The following BSN variants were observed in gnomAD, a reference collection of about 807,000 sequenced individuals.
BSN encodes bassoon presynaptic cytomatrix protein.
Under a neutral mutation model 264.8 loss-of-function variants are expected in BSN, and 57 were observed. The observed-to-expected ratio is 0.22, with a 90% CI of 0.17 to 0.27. The LOEUF (loss-of-function observed/expected upper bound fraction) is 0.27, where lower values mean the gene tolerates loss of function less well. BSN is among the 10% of genes least tolerant of loss of function. The pLI is 1.00. For missense variants in BSN, 4,615 were observed against 5,232.5 expected (o/e 0.88, Z 3.64); for synonymous variants, 2,059 against 2,137.3 (o/e 0.96, Z 1.01).
chr3:49,634,229 G>A (rs1479733507), intron 2 of BSN, among the ~76,000 whole-genome samples: 1 of 151,774 alleles, frequency 6.6e-6, no homozygotes, highest in African/African-American at 2.4e-5. Context: ...AAAAGAGCTG[G>A]AGGAAGGGGG....
At position 49,662,276 on chromosome 3, in the gene BSN, A is replaced by G. The variant is rs2052665731; in HGVS notation, c.10431A>G (p.Gln3477=). The change falls in exon 6 of 12, where the codon CAA becomes CAG. Residue 3477 remains glutamine, a synonymous_variant. Transcript: ENST00000296452. Reference sequence around the variant, plus strand: ...AACGGGAGGCTGTGGAGCGACTTCAAAAAGCGGGCCCCAAGCCCTCATCCC... The same window carrying G: ...AACGGGAGGCTGTGGAGCGACTTCAGAAAGCGGGCCCCAAGCCCTCATCCC... The part of the protein sequence containing the change: ...EREREAVERL[Q]KAGPKPSSLS... 6.2e-7 allele frequency: 1 copy of G among 1,613,966 alleles called. No individual in the cohort carries two copies. Among genetic ancestry groups the G allele is most frequent in the South Asian group, 1.1e-5 (1 of 91,086 alleles).
Position 49,661,176 on chromosome 3 carries a change from G to A in BSN, c.9331G>A (p.Ala3111Thr). The change falls in exon 6 of 12, where the codon GCT (alanine) becomes ACT (threonine). Residue 3111 changes from alanine (A) to threonine (T), a missense_variant. Ala to Thr is a moderately conservative substitution (Grantham distance 58). This residue lies in a region of BSN where 3,415 missense variants were observed against 3,866.4 expected (regional missense o/e 0.88). Coordinates refer to ENST00000296452, the MANE Select transcript of BSN (RefSeq NM_003458.4). ...TGAGCCTGGCCTGCCAAACCAGCAG[G>A]CTTTCCGCCCCACAGGCCACTATGC... ...PAEPGLPNQQ[A>T]FRPTGHYAGQ... 6.2e-7 allele frequency: 1 copy of A among 1,613,480 alleles called. No homozygotes were observed. The highest frequency in any genetic ancestry group is 8.5e-7 in the Non-Finnish European group (1 of 1,180,002).
At position 49,592,708 on chromosome 3, in the gene BSN, G is replaced by A. The variant is rs1246788313; in HGVS notation, c.225-32267G>A. Among the ~76,000 whole-genome samples the A allele has an allele frequency of 2.0e-5, 3 of 150,486 alleles. No homozygotes were observed. The South Asian group carries it at 6.3e-4, about 32-fold the overall frequency. ...GGAGCTTGCAGTGAGCCGAGATAGC[G>A]CCGCTGCACTCTGGCCCGGGTGACA... On this transcript the variant is annotated intron_variant, in intron 1 of 11. Transcript: ENST00000296452.
rs1383461162 is a variant in BSN at position 49,671,337 on chromosome 3, CTTTA to C, written c.*3856_*3859del. The C allele has an allele frequency of 2.0e-5, 3 of 152,518 alleles. No homozygotes were observed. The highest frequency in any genetic ancestry group is 1.5e-5 in the Non-Finnish European group (1 of 68,026). The allele number at this position is 152,518 out of a possible 1,614,324, so 9.4% of individuals were successfully genotyped here. A position where few individuals can be genotyped will look rare whatever the true frequency, so the allele number is the denominator to read the frequency against. On this transcript the variant is annotated 3_prime_UTR_variant, in exon 12 of 12. Transcript: ENST00000296452. This position sits in a 1 kb window ranked among gnomAD's most constrained non-coding sequence, Gnocchi z 4.1. Reference sequence around the variant, plus strand: ...TCTCCCTTTCTTTCCTTCTCTCCTTCTTTATTTGAGGGGGGAAGAGTGCTGTACA... The same window carrying C: ...TCTCCCTTTCTTTCCTTCTCTCCTTCTTTGAGGGGGGAAGAGTGCTGTACA...
rs2052652080 is a variant in BSN at position 49,661,305 on chromosome 3, GAGC to G, written c.9463_9465del (p.Gln3155del). 2.5e-6 allele frequency: 4 copies of G among 1,613,940 alleles called. No homozygotes were observed. The highest frequency in any genetic ancestry group is 3.4e-6 in the Non-Finnish European group (4 of 1,180,044). ...ACGCCAGACATCGCTAGCCGACTTG[GAGC>G]AGAAGGTGCCCACCAACTATGAGGT... On this transcript the variant is annotated inframe_deletion, in exon 6 of 12. Transcript: ENST00000296452.
Position 49,663,533 on chromosome 3 carries a change from A to G in BSN, c.11375A>G (p.Gln3792Arg), listed in dbSNP as rs1379534547. 6.2e-7 allele frequency: 1 copy of G among 1,612,496 alleles called. No individual in the cohort carries two copies. The highest frequency in any genetic ancestry group is 2.2e-5 in the East Asian group (1 of 44,872). The change falls in exon 7 of 12, where the codon CAG becomes CGG. Residue 3792 changes from glutamine (Q) to arginine (R), a missense_variant. Coordinates refer to ENST00000296452, the MANE Select transcript of BSN (RefSeq NM_003458.4). ...QQGLGLQPPQ[Q>R]ALTQARLQQQ... ...GGTCTTGGGCTGCAGCCCCCACAGC[A>G]GGCTCTGACACAGGCTCGGCTGCAG...
downstream of BSN, among the ~76,000 whole-genome samples, chr3:49,672,446 T>G (rs1375256974): frequency 6.6e-6 from 1 of 151,928 alleles, no homozygotes; most frequent in Non-Finnish European, 1.5e-5. Context: ...CTGTACATAC[T>G]GACAAATGCA....
In BSN at chr3:49,653,668, G is replaced by A. The variant is rs1244256314; in HGVS notation, c.4112G>A (p.Gly1371Asp). The change falls in exon 5 of 12, where the codon GGC becomes GAC. Residue 1371 changes from glycine (G) to aspartate (D), a missense_variant. Transcript: ENST00000296452. The surrounding 1 kb of genome is among the most constrained non-coding windows in gnomAD (Gnocchi z 6.3). ...CCCAGCTCAGCCTCCAAGGAGATAG[G>A]CATGCCCTTTTCCCAGGGCCCTGGG... ...ASPSSASKEI[G>D]MPFSQGPGTP... The A allele has an allele frequency of 1.2e-6, 2 of 1,613,600 alleles. No individual in the cohort carries two copies. The highest frequency in any genetic ancestry group is 2.2e-5 in the East Asian group (1 of 44,850).
intron 3 of BSN, 28 bp downstream of exon 3, chr3:49,643,180 T>C (rs747156073): frequency 1.3e-6 from 2 of 1,577,512 alleles, no homozygotes; most frequent in Non-Finnish European, 1.7e-6. Context: ...CATGCTCCCT[T>C]GAACCTTGAT....
At chr3:49,576,388 T>C (rs936793963) in intron 1 of BSN, among the ~76,000 whole-genome samples, 2 of 151,984 alleles carry the variant, frequency 1.3e-5, no homozygotes, top group Non-Finnish European at 2.9e-5. Flanking sequence ...TGGTAAGAGG[T>C]GTGAATTCAC....
At chr3:49,628,385 G>A (rs2052359266) in intron 2 of BSN, among the ~76,000 whole-genome samples, 1 of 152,228 alleles carries the variant, frequency 6.6e-6, no homozygotes, top group African/African-American at 2.4e-5. Context: ...ATCAGTCAGA[G>A]TTATTACTTT....
Position 49,668,940 on chromosome 3 carries a change from G to A in BSN, c.*1455G>A, listed in dbSNP as rs2052732257. On this transcript the variant is annotated 3_prime_UTR_variant, in exon 12 of 12. Coordinates refer to ENST00000296452, the MANE Select transcript of BSN (RefSeq NM_003458.4). ...ATTGCAAACATGCAATTGAGAAACT[G>A]GATAGATACACTCATAAAACCCCCA... 1 of 152,436 alleles carries A rather than the reference G, an allele frequency of 6.6e-6. No individual in the cohort carries two copies. The highest frequency in any genetic ancestry group is 1.5e-5 in the Non-Finnish European group (1 of 68,042). The allele number at this position is 152,436 out of a possible 1,614,324, so 9.4% of individuals were successfully genotyped here.
chr3:49,656,564 A>G lies in BSN; in HGVS notation c.7008A>G (p.Pro2336=). 1.3e-6 allele frequency: 2 copies of G among 1,575,074 alleles called. No individual in the cohort carries two copies. Among genetic ancestry groups the G allele is most frequent in the Non-Finnish European group, 1.7e-6 (2 of 1,160,642 alleles). The change falls in exon 5 of 12, where the codon CCA becomes CCG. Residue 2336 remains proline (P), a synonymous_variant. Transcript: ENST00000296452. ...CTGCCCCACTAGCTGGCCAGAAGCC[A>G]CCAGCAGATGCTGCTCCTGGGGGTG... ...PAPAPLAGQK[P]PADAAPGGGS...
intron 1 of BSN, among the ~76,000 whole-genome samples, chr3:49,598,574 GGTGTGAGGCACCA>G (rs1299273605): frequency 1.4e-4 from 22 of 152,174 alleles, no homozygotes; most frequent in African/African-American, 5.3e-4. Context: ...TGGGATTACA[GGTGTGAGGCACCA>G]TGCCTGGCCT....
At chr3:49,590,518 A>G (rs2051970257) in intron 1 of BSN, among the ~76,000 whole-genome samples, 1 of 152,036 alleles carries the variant, frequency 6.6e-6, no homozygotes, top group East Asian at 1.9e-4. Flanking sequence ...TAACATTTTA[A>G]TTATATATTT....
intron 2 of BSN, among the ~76,000 whole-genome samples, chr3:49,628,906 G>T (rs1262335652): frequency 1.3e-5 from 2 of 152,122 alleles, no homozygotes; most frequent in Non-Finnish European, 2.9e-5. Context: ...TACTCTTCTT[G>T]GTGGAGGCCA....
In BSN at chr3:49,652,518, C is replaced by G. The variant is rs1205262738; in HGVS notation, c.2962C>G (p.Pro988Ala). ...CTCCTCTACATTGCCTGCCTCCACACCCAGCTACACCTCGGGCACCTCTCC... is the reference window on the plus strand; with the variant it reads ...CTCCTCTACATTGCCTGCCTCCACAGCCAGCTACACCTCGGGCACCTCTCC... ...EHSSTLPAST[P>A]SYTSGTSPTS... Residue 988 changes from proline (P) to alanine (A), a missense_variant, in exon 5 of 12, where the codon CCC becomes GCC. Transcript: ENST00000296452. 6.2e-7 allele frequency: 1 copy of G among 1,613,766 alleles called. No individual in the cohort carries two copies. The highest frequency in any genetic ancestry group is 1.1e-5 in the South Asian group (1 of 91,084).
At chr3:49,563,395 T>A (rs1027793549) in intron 1 of BSN, among the ~76,000 whole-genome samples, 20 of 152,250 alleles carry the variant, frequency 1.3e-4, no homozygotes, top group Admixed American at 1.2e-3. Context: ...TTGTTCCACC[T>A]ACTTCCTACA....
In BSN at chr3:49,642,229, T is replaced by C. The variant is rs2052468949; in HGVS notation, c.634-39T>C. On this transcript the variant is annotated intron_variant, in intron 2 of 11. Transcript: ENST00000296452. The surrounding 1 kb of genome is among the most constrained non-coding windows in gnomAD (Gnocchi z 7.0). ...TGACCTGGGCCATGAGTACTGCCAA[T>C]CCTGGCCACCCTGCTGACTATTTTG... 3 of 1,473,798 alleles carry C rather than the reference T, an allele frequency of 2.0e-6. No homozygotes were observed. The highest frequency in any genetic ancestry group is 2.7e-6 in the Non-Finnish European group (3 of 1,107,464). The allele number at this position is 1,473,798 out of a possible 1,614,324, so 91.3% of individuals were successfully genotyped here.
Sources: allele counts gnomAD v4.1 joint callset (sites outside exome capture counted in the v4.1 genomes callset), GRCh38; gene constraint gnomAD v4.1.1; regional missense constraint gnomAD v4.1.1; non-coding constraint Gnocchi (gnomAD v3.1); transcripts MANE v1.5; gene names NCBI Gene and HGNC (gene_info 2026-07-23, HGNC 2026-07-21).